Variants in TENM3 observed in about 807,000 individuals in gnomAD.
The protein encoded by TENM3 is teneurin transmembrane protein 3.
TENM3 carries 63 observed loss-of-function variants against 255.1 expected under a neutral mutation model. The ratio of observed to expected loss-of-function variants is 0.25; its 90% CI spans 0.20 to 0.30. The LOEUF (loss-of-function observed/expected upper bound fraction) is 0.30. Among genes scored for constraint, TENM3 ranks in the 10% least tolerant of loss-of-function variants. TENM3 has a pLI of 1.00. For missense variants in TENM3, 2,929 were observed against 3,461.1 expected, an observed-to-expected ratio of 0.85 and a Z score of 3.86; for synonymous variants, 1,306 against 1,322.3, an observed-to-expected ratio of 0.99 and a Z score of 0.27.
chr4:182,447,605 A>T (rs1445178459), intron 3 of TENM3, among the ~76,000 whole-genome samples: 1 of 152,264 alleles, frequency 6.6e-6, no homozygotes, highest in East Asian at 1.9e-4. Context: ...AAATGAAAAG[A>T]GAACACTGAT....
intron 3 of TENM3, among the ~76,000 whole-genome samples, chr4:182,385,683 G>C (rs1167068939): frequency 6.6e-6 from 1 of 152,124 alleles, no homozygotes; most frequent in South Asian, 2.1e-4. Context: ...AACTAAATGG[G>C]AAATGAAACA....
At chr4:182,325,090 G>T (rs941196481) in intron 2 of TENM3, among the ~76,000 whole-genome samples, 5 of 152,104 alleles carry the variant, frequency 3.3e-5, no homozygotes, top group Admixed American at 6.5e-5. Flanking sequence ...TCTTACATTT[G>T]TAATGTGCAG....
At chr4:181,509,305 G>A in the TENM3 span, among the ~76,000 whole-genome samples, 1 of 152,060 alleles carries the variant, frequency 6.6e-6, no homozygotes, top group South Asian at 2.1e-4. Flanking sequence ...CCTCTGATTT[G>A]TGGGATGGAA....
chr4:181,799,067 G>T, the TENM3 span, among the ~76,000 whole-genome samples: 3 of 152,142 alleles, frequency 2.0e-5, no homozygotes, highest in African/African-American at 7.2e-5. Flanking sequence ...TACATTGGAA[G>T]GCTCCCTTTT....
intron 3 of TENM3, among the ~76,000 whole-genome samples, chr4:182,582,101 G>A (rs954866154): frequency 1.3e-5 from 2 of 152,154 alleles, no homozygotes; most frequent in East Asian, 3.8e-4. Flanking sequence ...ACGGAAGAAT[G>A]CTTCTGCTAT....
At chr4:182,738,660 G>A (rs777318489) in intron 18 of TENM3, 116 bp downstream of exon 18, 22 of 780,692 alleles carry the variant, frequency 2.8e-5, no homozygotes, top group Non-Finnish European at 3.9e-5. Context: ...CATGCTGTAG[G>A]ATTAGAAATG....
intron 1 of TENM3, among the ~76,000 whole-genome samples, chr4:182,207,133 T>C (rs952929152): frequency 1.3e-5 from 2 of 152,178 alleles, no homozygotes; most frequent in African/African-American, 4.8e-5. Context: ...ACTATTATGC[T>C]ATGCTTCTGA....
intron 4 of TENM3, among the ~76,000 whole-genome samples, chr4:182,610,563 G>T (rs1267445676): frequency 6.6e-6 from 1 of 151,972 alleles, no homozygotes; most frequent in African/African-American, 2.4e-5. Flanking sequence ...TGTGCCTATA[G>T]CCCTAGCTAT....
chr4:181,488,314 T>C, the TENM3 span, among the ~76,000 whole-genome samples: 1 of 152,210 alleles, frequency 6.6e-6, no homozygotes, highest in Non-Finnish European at 1.5e-5. Context: ...TCAGTACAAT[T>C]GGTGAGAAGT....
chr4:182,159,768 G>A (rs865874257), intron 1 of TENM3, among the ~76,000 whole-genome samples: 3 of 152,132 alleles, frequency 2.0e-5, no homozygotes, highest in Non-Finnish European at 4.4e-5. Context: ...GTCTTATCCG[G>A]GAGCAGCGAC....
intron 3 of TENM3, among the ~76,000 whole-genome samples, chr4:182,533,134 T>C (rs1354239169): frequency 6.6e-6 from 1 of 152,250 alleles, no homozygotes; most frequent in African/African-American, 2.4e-5. Flanking sequence ...ATCCTGCCTT[T>C]TAAATGTATA....
chr4:181,888,530 AT>A, the TENM3 span, among the ~76,000 whole-genome samples: 2 of 81,380 alleles, frequency 2.5e-5, no homozygotes, highest in Non-Finnish European at 4.8e-5. Context: ...ATATATACAT[AT>A]ATGTGTATAT....
chr4:181,577,598 C>T, the TENM3 span, among the ~76,000 whole-genome samples: 1 of 152,168 alleles, frequency 6.6e-6, no homozygotes, highest in Non-Finnish European at 1.5e-5. Flanking sequence ...TTGTCTCCAT[C>T]CCTATACACT....
At chr4:182,258,905 A>G (rs1758604513) in intron 1 of TENM3, among the ~76,000 whole-genome samples, 1 of 152,224 alleles carries the variant, frequency 6.6e-6, no homozygotes, top group Non-Finnish European at 1.5e-5. Flanking sequence ...GAAACTCGAC[A>G]TTTAAACACT....
intron 2 of TENM3, among the ~76,000 whole-genome samples, chr4:182,339,009 G>C (rs1313856395): frequency 6.6e-6 from 1 of 152,146 alleles, no homozygotes; most frequent in Non-Finnish European, 1.5e-5. Flanking sequence ...TGAATTTCCA[G>C]TTAGACCCCA....
chr4:181,605,571 AGAGAGAAAGAAAGGAAAG>A, the TENM3 span, among the ~76,000 whole-genome samples: 167 of 29,164 alleles, frequency 5.7e-3, 17 homozygotes, highest in Non-Finnish European at 9.1e-3. Flanking sequence ...AGAAAGAAAG[AGAGAGAAAGAAAGGAAAG>A]AAAGAAAGAA....
chr4:182,531,499 A>AG (rs1739775846), intron 3 of TENM3, among the ~76,000 whole-genome samples: 1 of 152,212 alleles, frequency 6.6e-6, no homozygotes. Context: ...ACCCCAGGCT[A>AG]GATGATTTGC....
chr4:182,054,200 A>G, the TENM3 span, among the ~76,000 whole-genome samples: 1 of 152,124 alleles, frequency 6.6e-6, no homozygotes, highest in South Asian at 2.1e-4. Flanking sequence ...TCCTCTGCCA[A>G]GATGGCCTCT....
the TENM3 span, among the ~76,000 whole-genome samples, chr4:182,078,002 C>T: frequency 7.9e-5 from 12 of 152,196 alleles, no homozygotes; most frequent in South Asian, 1.0e-3. Flanking sequence ...AAACTGGTAT[C>T]GTTCCAGCAT....
Sources: gnomAD v4.1 joint callset for allele counts (sites outside exome capture counted in the v4.1 genomes callset) on GRCh38, gnomAD v4.1.1 for gene constraint, MANE v1.5 for transcripts, NCBI Gene and HGNC (gene_info 2026-07-23, HGNC 2026-07-21) for gene names.